STXBP5: variants seen among roughly 807,000 people sequenced by gnomAD.
STXBP5 encodes syntaxin binding protein 5.
Under a neutral mutation model 152.4 loss-of-function variants are expected in STXBP5, and 50 were observed. The observed-to-expected ratio is 0.33, with a 90% CI of 0.26 to 0.42. The LOEUF (loss-of-function observed/expected upper bound fraction) is 0.42, where lower values mean the gene tolerates loss of function less well. STXBP5 is among the 10% of genes least tolerant of loss of function. The pLI, the probability that STXBP5 is intolerant of heterozygous loss-of-function variation, is 1.00. For missense variants in STXBP5, 1,167 were observed against 1,388.6 expected (o/e 0.84, Z 2.54); for synonymous variants, 492 against 494.7 (o/e 0.99, Z 0.07).
At chr6:147,283,970 T>C (rs889090646) in intron 8 of STXBP5, among the ~76,000 whole-genome samples, 4 of 152,216 alleles carry the variant, frequency 2.6e-5, no homozygotes, top group African/African-American at 9.7e-5. Context: ...GCGTGTGTGA[T>C]TCTAAATTTG....
At chr6:147,353,482 T>G (rs1784681276) in intron 22 of STXBP5, 109 bp downstream of exon 22, 1 of 620,838 alleles carries the variant, frequency 1.6e-6, no homozygotes, top group East Asian at 3.3e-5. Flanking sequence ...AAGTTTAAAA[T>G]GACTAAGATG....
rs571695387 is a variant in STXBP5, at chr6:147,224,299, G to T, written c.249-10951G>T. 1.4e-3 allele frequency among the ~76,000 whole-genome samples: 207 copies of T among 152,254 alleles called. 2 individuals are homozygous for T. The highest frequency in any genetic ancestry group is 4.8e-3 in the African/African-American group (200 of 41,554). On this transcript the variant is annotated intron_variant, in intron 2 of 27. Coordinates refer to ENST00000321680, the MANE Select transcript of STXBP5 (RefSeq NM_001127715.4). The stretch of plus-strand genomic sequence containing the variant: ...AAATTTGCCGGGCATGGTGGTGCAT[G>T]CCTGTAATCCCAGCTACTGGGAGGC...
At chr6:147,370,859 C>T (rs867803937) in intron 25 of STXBP5, among the ~76,000 whole-genome samples, 1 of 151,894 alleles carries the variant, frequency 6.6e-6, no homozygotes, top group Non-Finnish European at 1.5e-5. Context: ...AATACTCTTA[C>T]AATATAAAGT....
chr6:147,213,477 T>TGTGTGTGCGTGC, intron 2 of STXBP5, among the ~76,000 whole-genome samples: 2 of 131,278 alleles, frequency 1.5e-5, no homozygotes, highest in African/African-American at 6.4e-5. Context: ...TGTGTGTGTG[T>TGTGTGTGCGTGC]GCGCGCGCAT....
chr6:147,318,471 C>T (rs1157541331), intron 16 of STXBP5, among the ~76,000 whole-genome samples: 1 of 152,172 alleles, frequency 6.6e-6, no homozygotes, highest in African/African-American at 2.4e-5. Flanking sequence ...AAAGGTAATA[C>T]TGACTTCGTT....
At chr6:147,383,374 AG>A (rs1464824648) in intron 27 of STXBP5, among the ~76,000 whole-genome samples, 1 of 152,132 alleles carries the variant, frequency 6.6e-6, no homozygotes, top group Admixed American at 6.6e-5. Context: ...TCTTCCAGAT[AG>A]ATATAAATAA....
intron 21 of STXBP5, chr6:147,351,877 G>T (rs796067279): frequency 7.1e-6 from 7 of 985,140 alleles, no homozygotes; most frequent in Non-Finnish European, 8.4e-6. Context: ...TTTACATGGC[G>T]CCCTTATGGA....
At position 147,339,350 on chromosome 6, in the gene STXBP5, C is replaced by T. The variant is rs1251742430; in HGVS notation, c.2220C>T (p.Ser740=). 6.7e-7 allele frequency: 1 copy of T among 1,500,558 alleles called. No homozygotes were observed. 93.0% of individuals were successfully genotyped at this position (1,500,558 alleles called of 1,614,324 possible). The change falls in exon 21 of 28, where the codon AGC becomes AGT. Residue 740 remains serine, a synonymous_variant. Transcript: ENST00000321680. ...TATTGTTTTCAGTGAAGACCAAAAG[C>T]AGAAAGTTTTCCAAGATGGTAGCCA... The part of the protein sequence containing the change: ...NNFIEKVKTK[S]RKFSKMVAND...
intron 21 of STXBP5, among the ~76,000 whole-genome samples, chr6:147,344,652 A>G (rs529704537): frequency 3.0e-4 from 46 of 152,332 alleles, no homozygotes; most frequent in African/African-American, 7.7e-4. Flanking sequence ...TCTTCTTATA[A>G]GAACCAATCA....
At chr6:147,323,790 C>T (rs1481767114) in intron 16 of STXBP5, among the ~76,000 whole-genome samples, 1 of 152,210 alleles carries the variant, frequency 6.6e-6, no homozygotes, top group Non-Finnish European at 1.5e-5. Context: ...CACATTGTGA[C>T]TAGGTAGTAA....
intron 5 of STXBP5, among the ~76,000 whole-genome samples, chr6:147,262,017 G>A (rs947766399): frequency 4.6e-5 from 7 of 151,808 alleles, no homozygotes; most frequent in Admixed American, 1.3e-4. Context: ...TAGATTTCCT[G>A]TGCTCAAATC....
intron 9 of STXBP5, among the ~76,000 whole-genome samples, chr6:147,297,117 G>A (rs1052060564): frequency 1.3e-5 from 2 of 152,072 alleles, no homozygotes; most frequent in Non-Finnish European, 2.9e-5. Flanking sequence ...AGGAAGCTCT[G>A]GAGTTTCAAA....
intron 4 of STXBP5, among the ~76,000 whole-genome samples, chr6:147,253,244 A>G (rs897965298): frequency 2.0e-5 from 3 of 152,172 alleles, no homozygotes; most frequent in African/African-American, 7.2e-5. Flanking sequence ...GAAGGCCTTC[A>G]ACAAAATTCA....
At chr6:147,230,150 C>T (rs1272136750) in intron 2 of STXBP5, among the ~76,000 whole-genome samples, 1 of 151,562 alleles carries the variant, frequency 6.6e-6, no homozygotes, top group Non-Finnish European at 1.5e-5. Flanking sequence ...TCGTGTATGC[C>T]ATTGATCCCG....
chr6:147,364,513 AAAT>A (rs532015718), intron 25 of STXBP5, among the ~76,000 whole-genome samples: 61 of 152,252 alleles, frequency 4.0e-4, no homozygotes, highest in Admixed American at 7.2e-4. Flanking sequence ...GTTAATGTGA[AAAT>A]AAATGAGTCT....
At chr6:147,311,659 G>C in intron 11 of STXBP5, 132 bp downstream of exon 11, 1 of 613,884 alleles carries the variant, frequency 1.6e-6, no homozygotes, top group Non-Finnish European at 2.7e-6. Flanking sequence ...TCTTTTGAGA[G>C]CTCCAGACTC....
intron 22 of STXBP5, among the ~76,000 whole-genome samples, chr6:147,355,804 T>A (rs1228248394): frequency 6.6e-6 from 1 of 152,178 alleles, no homozygotes; most frequent in Admixed American, 6.5e-5. Context: ...TAGTGTTAGT[T>A]ATTTTCACTT....
chr6:147,236,731 G>C (rs1355450274), intron 3 of STXBP5, among the ~76,000 whole-genome samples: 1 of 150,522 alleles, frequency 6.6e-6, no homozygotes, highest in Admixed American at 6.6e-5. Flanking sequence ...CTTTGTAATT[G>C]AACTCCTGCT....
At chr6:147,312,979 T>TG (rs1259391859) in intron 11 of STXBP5, among the ~76,000 whole-genome samples, 2 of 152,168 alleles carry the variant, frequency 1.3e-5, no homozygotes, top group East Asian at 3.8e-4. Context: ...GTTAAATGTA[T>TG]GGTAATAATA....
Sources: gnomAD v4.1 joint callset for allele counts (sites outside exome capture counted in the v4.1 genomes callset) on GRCh38, gnomAD v4.1.1 for gene constraint, MANE v1.5 for transcripts, NCBI Gene and HGNC (gene_info 2026-07-23, HGNC 2026-07-21) for gene names.